WDPCP: variants seen among roughly 807,000 people sequenced by gnomAD.
The protein encoded by WDPCP is WD repeat containing planar cell polarity effector.
Under a neutral mutation model 93.1 loss-of-function variants are expected in WDPCP, and 71 were observed. The observed-to-expected ratio is 0.76, with a 90% confidence interval of 0.63 to 0.93. WDPCP has a LOEUF of 0.93. Among genes scored for constraint, WDPCP ranks in the 40% least tolerant of loss-of-function variants. WDPCP has a pLI of 0.00. For synonymous variants in WDPCP, 315 were observed against 315.0 expected, an observed-to-expected ratio of 1.00 and a Z score of 0.00; for missense variants, 844 against 887.4, an observed-to-expected ratio of 0.95 and a Z score of 0.62.
intron 12 of WDPCP, among the ~76,000 whole-genome samples, chr2:63,364,067 A>G (rs1050004391): frequency 3.3e-5 from 5 of 152,078 alleles, no homozygotes; most frequent in Admixed American, 3.3e-4. Context: ...AAAATACTCA[A>G]TTTCTTTTCT....
intron 3 of WDPCP, among the ~76,000 whole-genome samples, chr2:63,619,702 A>C (rs553027079): frequency 2.0e-5 from 3 of 152,362 alleles, no homozygotes; most frequent in Admixed American, 6.5e-5. Flanking sequence ...TGGTTCACAT[A>C]AAAATACAAG....
At chr2:63,306,461 C>A (rs981030330) in intron 13 of WDPCP, among the ~76,000 whole-genome samples, 13 of 152,194 alleles carry the variant, frequency 8.5e-5, no homozygotes, top group African/African-American at 2.9e-4. Flanking sequence ...AGCCCAATAT[C>A]CCTGATGGAA....
At chr2:63,262,426 A>C (rs1268568291) in intron 13 of WDPCP, among the ~76,000 whole-genome samples, 1 of 152,072 alleles carries the variant, frequency 6.6e-6, no homozygotes, top group Non-Finnish European at 1.5e-5. Flanking sequence ...AAATCCCCTC[A>C]ACTTGATAAA....
At position 63,433,726 on chromosome 2, in the gene WDPCP, A is replaced by G. The variant is rs780109239; in HGVS notation, c.825+19T>C. ...TTATTTACACTTTATTAAAATGTACATATTTGTTTTAGATTTACCTCTAGT... is the reference window on the plus strand; with the variant it reads ...TTATTTACACTTTATTAAAATGTACGTATTTGTTTTAGATTTACCTCTAGT... On this transcript the variant is annotated intron_variant, in intron 9 of 17. Transcript: ENST00000272321. 1.3e-6 allele frequency: 2 copies of G among 1,590,864 alleles called. No individual in the cohort carries two copies. Among genetic ancestry groups the G allele is most frequent in the Non-Finnish European group, 1.7e-6 (2 of 1,161,712 alleles).
intron 14 of WDPCP, among the ~76,000 whole-genome samples, chr2:63,191,816 A>C (rs1334384043): frequency 6.6e-6 from 1 of 152,222 alleles, no homozygotes; most frequent in Non-Finnish European, 1.5e-5. Flanking sequence ...AAATACAAGA[A>C]AGATATATTT....
At chr2:63,783,421 A>C (rs964505296) in intron 2 of WDPCP, among the ~76,000 whole-genome samples, 7 of 150,488 alleles carry the variant, frequency 4.7e-5, no homozygotes, top group Non-Finnish European at 8.9e-5. Context: ...CTCTGTCTCT[A>C]AAAAAAAAAT....
intron 12 of WDPCP, among the ~76,000 whole-genome samples, chr2:63,316,238 G>A (rs1456383100): frequency 6.6e-6 from 1 of 152,064 alleles, no homozygotes; most frequent in East Asian, 1.9e-4. Context: ...TTAAGTTAAT[G>A]GCTAAGAATT....
chr2:63,485,474 G>C (rs997103287), intron 4 of WDPCP, among the ~76,000 whole-genome samples: 16 of 151,512 alleles, frequency 1.1e-4, no homozygotes, highest in African/African-American at 3.6e-4. Flanking sequence ...AAGCATTAAA[G>C]CTCCACATTT....
upstream of WDPCP, chr2:63,588,865 G>A: frequency 1.4e-6 from 1 of 738,432 alleles, no homozygotes; most frequent in South Asian, 1.6e-5. Context: ...GAAATGCTTT[G>A]GAGATTGCGC....
intron 10 of WDPCP, among the ~76,000 whole-genome samples, chr2:63,396,668 A>C (rs1360434331): frequency 7.2e-6 from 1 of 138,018 alleles, no homozygotes; most frequent in Non-Finnish European, 1.6e-5. Flanking sequence ...CTTTTTTTTT[A>C]ACTTTTATTT....
chr2:63,681,419 G>C (rs1008256692), intron 2 of WDPCP, among the ~76,000 whole-genome samples: 1 of 152,150 alleles, frequency 6.6e-6, no homozygotes, highest in African/African-American at 2.4e-5. Context: ...CTCCCCATGG[G>C]CCTATGGTGG....
intron 1 of WDPCP, among the ~76,000 whole-genome samples, chr2:63,500,753 G>A (rs894384143): frequency 6.6e-5 from 10 of 152,154 alleles, no homozygotes; most frequent in African/African-American, 1.2e-4. Flanking sequence ...CATTTGTAAC[G>A]GTGTTGTAAG....
chr2:63,820,420 G>C (rs1440882934), intron 1 of WDPCP, among the ~76,000 whole-genome samples: 1 of 152,150 alleles, frequency 6.6e-6, no homozygotes, highest in Non-Finnish European at 1.5e-5. Context: ...AACCCAGTTT[G>C]AGACCTAACT....
At chr2:63,838,438 C>T in the WDPCP span, among the ~76,000 whole-genome samples, 18 of 152,170 alleles carry the variant, frequency 1.2e-4, no homozygotes, top group Non-Finnish European at 1.9e-4. Context: ...GAATTTGTAT[C>T]ATCCGTGGAT....
chr2:63,796,912 C>A (rs1460354060), intron 2 of WDPCP, among the ~76,000 whole-genome samples: 1 of 152,104 alleles, frequency 6.6e-6, no homozygotes, highest in South Asian at 2.1e-4. Context: ...CCCCAGGAAG[C>A]GCAGCTTGCA....
intron 2 of WDPCP, chr2:63,711,620 T>A (rs1405283037): frequency 6.6e-6 from 1 of 152,142 alleles, no homozygotes; most frequent in African/African-American, 2.4e-5. Flanking sequence ...CAAAATTAGT[T>A]GGGTCTGGTG....
chr2:63,688,472 T>C (rs547088959), intron 2 of WDPCP, among the ~76,000 whole-genome samples: 2 of 147,186 alleles, frequency 1.4e-5, no homozygotes, highest in South Asian at 4.3e-4. Flanking sequence ...AGATAGAGAG[T>C]AGAAGGACAG....
At chr2:63,622,767 A>G in intron 3 of WDPCP, 2 of 1,612,716 alleles carry the variant, frequency 1.2e-6, no homozygotes, top group Non-Finnish European at 1.7e-6. Context: ...CCGCTGCCAG[A>G]AGGCGGCGAA....
chr2:63,447,109 T>TG lies in WDPCP; in HGVS notation c.385-7239dup, dbSNP rs568350043. Among the ~76,000 whole-genome samples the TG allele has an allele frequency of 5.7e-3, 867 of 151,926 alleles. 6 individuals carry two copies. The highest frequency in any genetic ancestry group is 0.014 in the South Asian group (66 of 4,784). On this transcript the variant is annotated intron_variant, in intron 6 of 17. Transcript: ENST00000272321. ...CAACTGCATGATACCTTGTTGAAGG[T>TG]GGGGGGAGGCATTTTTAAAAGTTAC... is the stretch of plus-strand genomic sequence containing the variant.
Sources: gnomAD v4.1 joint callset for allele counts (sites outside exome capture counted in the v4.1 genomes callset) on GRCh38, gnomAD v4.1.1 for gene constraint, MANE v1.5 for transcripts, NCBI Gene and HGNC (gene_info 2026-07-23, HGNC 2026-07-21) for gene names.